TP53BP1: variants seen among roughly 807,000 people sequenced by gnomAD.
TP53BP1 encodes the protein tumor protein p53 binding protein 1, also known as TP53-binding protein 1.
Under a neutral mutation model 200.8 loss-of-function variants are expected in TP53BP1, and 61 were observed. The observed-to-expected ratio is 0.30, with a 90% confidence interval of 0.25 to 0.38. The LOEUF is 0.38. Among genes scored for constraint, TP53BP1 ranks in the 10% least tolerant of loss-of-function variants. The pLI, the probability that TP53BP1 is intolerant of heterozygous loss-of-function variation, is 1.00. For missense variants in TP53BP1, 2,144 were observed against 2,371.9 expected, an observed-to-expected ratio of 0.90 and a Z score of 2.00; for synonymous variants, 822 against 844.3, an observed-to-expected ratio of 0.97 and a Z score of 0.46.
At chr15:43,427,982 G>T (rs376698138) in intron 18 of TP53BP1, 34 bp downstream of exon 18, 73 of 1,288,194 alleles carry the variant, frequency 5.7e-5, no homozygotes, top group Non-Finnish European at 6.0e-5. Context: ...AAGAAAGAAA[G>T]AAATTTGCCA....
chr15:43,483,954 T>C (rs190572763), intron 4 of TP53BP1, among the ~76,000 whole-genome samples: 20 of 152,332 alleles, frequency 1.3e-4, no homozygotes, highest in Non-Finnish European at 5.9e-5. Flanking sequence ...TGGTTTAGAA[T>C]ACTACCTATC....
rs1230333750 is a variant in TP53BP1 at position 43,407,992 on chromosome 15, A to T, written c.5697T>A (p.Thr1899=). The T allele has an allele frequency of 6.2e-7, 1 of 1,614,082 alleles. No homozygotes were observed. The highest frequency in any genetic ancestry group is 1.3e-5 in the African/African-American group (1 of 75,048). The change falls in exon 27 of 28, where the codon ACT becomes ACA. Residue 1899 remains threonine (T), a synonymous_variant. Coordinates refer to ENST00000382044, the MANE Select transcript of TP53BP1 (RefSeq NM_001141980.3). ...FLELWSEILM[T]GGAASVKQHH... is the part of the protein sequence containing the mutation. Reference sequence around the variant, plus strand: ...GCTGCTTCACAGAGGCTGCACCACCAGTCATGAGGATCTCAGACCAGAGCT... The same window carrying T: ...GCTGCTTCACAGAGGCTGCACCACCTGTCATGAGGATCTCAGACCAGAGCT...
intron 17 of TP53BP1, among the ~76,000 whole-genome samples, chr15:43,430,251 A>G (rs1327205785): frequency 6.6e-6 from 1 of 152,176 alleles, no homozygotes; most frequent in Admixed American, 6.6e-5. Flanking sequence ...ATGCTTTTCC[A>G]CTAGCACTAG....
In TP53BP1 at chr15:43,413,345, CAG is replaced by C; in HGVS notation, c.5090-13_5090-12del. ...CTGCCCCTACTGCACCTGGGAAGGA[CAG>C]GGGCACAGTTACTAGAGGGATACAC... On this transcript the variant is annotated splice_polypyrimidine_tract_variant and intron_variant, in intron 23 of 27. Coordinates refer to ENST00000382044, the MANE Select transcript of TP53BP1 (RefSeq NM_001141980.3). The C allele has an allele frequency of 6.2e-7, 1 of 1,610,750 alleles. No individual in the cohort carries two copies. The highest frequency in any genetic ancestry group is 8.5e-7 in the Non-Finnish European group (1 of 1,177,854).
At chr15:43,483,938 G>C (rs1027373656) in intron 4 of TP53BP1, among the ~76,000 whole-genome samples, 9 of 152,136 alleles carry the variant, frequency 5.9e-5, no homozygotes, top group Non-Finnish European at 8.8e-5. Context: ...ACCTCATCCA[G>C]ACTCATGGTT....
chr15:43,463,193 C>G (rs540595623), intron 11 of TP53BP1, among the ~76,000 whole-genome samples: 8 of 152,148 alleles, frequency 5.3e-5, no homozygotes, highest in Non-Finnish European at 1.2e-4. Context: ...ATACATATAT[C>G]AAGAATGAGA....
At chr15:43,408,158 A>T in intron 26 of TP53BP1, 70 bp from the exon 27 acceptor site, 1 of 1,468,806 alleles carries the variant, frequency 6.8e-7, no homozygotes, top group Non-Finnish European at 9.4e-7. Flanking sequence ...CTGCAAAGGG[A>T]CTCATGTACA....
At chr15:43,472,074 A>C (rs1486665991) in intron 10 of TP53BP1, among the ~76,000 whole-genome samples, 3 of 152,246 alleles carry the variant, frequency 2.0e-5, no homozygotes, top group Admixed American at 6.5e-5. Context: ...AGAGCAGAGA[A>C]AGGATATAAT....
At chr15:43,426,018 T>TC (rs1419529302) in intron 18 of TP53BP1, among the ~76,000 whole-genome samples, 1 of 144,074 alleles carries the variant, frequency 6.9e-6, no homozygotes, top group Non-Finnish European at 1.5e-5. Flanking sequence ...TGAGCCGAGG[T>TC]AGCGCCACTG....
chr15:43,490,840 C>A (rs1336437730), intron 4 of TP53BP1, among the ~76,000 whole-genome samples: 1 of 152,172 alleles, frequency 6.6e-6, no homozygotes, highest in Non-Finnish European at 1.5e-5. Flanking sequence ...ATGTCTTCAT[C>A]GTACAGCTGC....
At chr15:43,507,140 C>CTT (rs113197829) in intron 1 of TP53BP1, among the ~76,000 whole-genome samples, 2 of 145,834 alleles carry the variant, frequency 1.4e-5, no homozygotes, top group Admixed American at 6.9e-5. Flanking sequence ...GTCCAATTCT[C>CTT]TTTTTTTTTT....
rs571015947 is a variant in TP53BP1 at position 43,471,458 on chromosome 15, G to A, written c.1181-1392C>T. ...TTTTTTTTTTTTGAGACAGGGTCTCGCTCTGTTGTCCAGGCTGCGACGCAG... is the reference window on the plus strand; with the variant it reads ...TTTTTTTTTTTTGAGACAGGGTCTCACTCTGTTGTCCAGGCTGCGACGCAG... On this transcript the variant is annotated intron_variant, in intron 10 of 27. Transcript: ENST00000382044. 3.7e-3 allele frequency among the ~76,000 whole-genome samples: 562 copies of A among 151,244 alleles called. 1 individual carries two copies. The highest frequency in any genetic ancestry group is 0.013 in the South Asian group (62 of 4,802).
At chr15:43,489,123 C>A (rs1202381774) in intron 4 of TP53BP1, among the ~76,000 whole-genome samples, 1 of 152,180 alleles carries the variant, frequency 6.6e-6, no homozygotes, top group East Asian at 1.9e-4. Context: ...GTCCCCTTAT[C>A]CTTCTGATTA....
chr15:43,415,980 C>T (rs2045257640), intron 22 of TP53BP1, among the ~76,000 whole-genome samples, 171 bp from the exon 23 acceptor site: 1 of 152,110 alleles, frequency 6.6e-6, no homozygotes, highest in East Asian at 1.9e-4. Context: ...TTTGCCATGA[C>T]TGAAATGTGT....
At chr15:43,451,537 G>A (rs2143007621) in intron 12 of TP53BP1, among the ~76,000 whole-genome samples, 1 of 152,298 alleles carries the variant, frequency 6.6e-6, no homozygotes, top group South Asian at 2.1e-4. Context: ...TGGCTGCATA[G>A]TATTCCATGG....
chr15:43,427,677 C>T (rs1397267386), intron 18 of TP53BP1, among the ~76,000 whole-genome samples: 2 of 152,122 alleles, frequency 1.3e-5, no homozygotes, highest in East Asian at 3.8e-4. Flanking sequence ...AATGTGGGGT[C>T]AGGGACAATA....
chr15:43,458,836 T>C lies in TP53BP1; in HGVS notation c.1390-1618A>G, dbSNP rs1258932643. Among the ~76,000 whole-genome samples the C allele has an allele frequency of 2.6e-5, 4 of 152,226 alleles. No individual in the cohort carries two copies. In the East Asian group the frequency reaches 7.7e-4, roughly 29 times the overall value. ...CAAAACCCAGGATTAGCAACGATGT[T>C]GAACAACTGCAACTCTCGTACATTG... On this transcript the variant is annotated intron_variant, in intron 11 of 27. Coordinates refer to ENST00000382044, the MANE Select transcript of TP53BP1 (RefSeq NM_001141980.3).
At chr15:43,482,767 C>CA (rs59569850) in intron 4 of TP53BP1, among the ~76,000 whole-genome samples, 265 of 135,384 alleles carry the variant, frequency 2.0e-3, no homozygotes, top group African/African-American at 5.7e-3. Flanking sequence ...GACTCCGTCT[C>CA]AAAAAAAAAA....
intron 14 of TP53BP1, among the ~76,000 whole-genome samples, chr15:43,445,584 C>G (rs1387304236): frequency 6.6e-6 from 1 of 152,172 alleles, no homozygotes; most frequent in Non-Finnish European, 1.5e-5. Context: ...AACTTAAAAA[C>G]CTCTCTTACT....
Sources: allele counts gnomAD v4.1 joint callset (sites outside exome capture counted in the v4.1 genomes callset), GRCh38; gene constraint gnomAD v4.1.1; transcripts MANE v1.5; gene names NCBI Gene and HGNC (gene_info 2026-07-23, HGNC 2026-07-21).